Variants in GRIK4 observed in about 807,000 individuals in gnomAD.
The protein encoded by GRIK4 is glutamate receptor ionotropic, kainate 4.
A neutral mutation model predicts 104.9 loss-of-function variants in GRIK4; 40 were observed. That is an observed-to-expected ratio of 0.38 (90% CI 0.30 to 0.50). The LOEUF is 0.50. Ranked by LOEUF, GRIK4 falls within the 20% of genes least tolerant of loss-of-function variation. The pLI is 0.93. For missense variants in GRIK4, 1,047 were observed against 1,308.1 expected (o/e 0.80, Z 3.08); for synonymous variants, 485 against 524.9 (o/e 0.92, Z 1.04).
chr11:120,795,560 G>A (rs1216491341), intron 3 of GRIK4, among the ~76,000 whole-genome samples: 1 of 152,248 alleles, frequency 6.6e-6, no homozygotes, highest in Non-Finnish European at 1.5e-5. Context: ...CCTACTGTGT[G>A]TCCAGAATTG....
chr11:120,575,328 C>T (rs1001458315), intron 1 of GRIK4, among the ~76,000 whole-genome samples: 2 of 152,188 alleles, frequency 1.3e-5, no homozygotes, highest in Admixed American at 1.3e-4. Flanking sequence ...CTCCCCTTTC[C>T]CTGCCCAGCC....
intron 3 of GRIK4, among the ~76,000 whole-genome samples, chr11:120,699,383 T>C (rs1950511990): frequency 6.6e-6 from 1 of 152,226 alleles, no homozygotes; most frequent in Non-Finnish European, 1.5e-5. Flanking sequence ...AAGTCTTTAG[T>C]TCCATGGCCT....
At chr11:120,959,470 C>T (rs566312618) in intron 16 of GRIK4, among the ~76,000 whole-genome samples, 3 of 152,362 alleles carry the variant, frequency 2.0e-5, no homozygotes, top group South Asian at 2.1e-4. Flanking sequence ...ATGCATTCAT[C>T]GTCAGTGTCT....
chr11:120,574,122 C>T (rs955661317), intron 1 of GRIK4, among the ~76,000 whole-genome samples: 6 of 152,190 alleles, frequency 3.9e-5, no homozygotes, highest in Non-Finnish European at 5.9e-5. Flanking sequence ...TCCATGAGCT[C>T]CTTAATAGCA....
chr11:120,529,061 C>G (rs1947895620), intron 1 of GRIK4, among the ~76,000 whole-genome samples: 1 of 152,172 alleles, frequency 6.6e-6, no homozygotes, highest in Non-Finnish European at 1.5e-5. Flanking sequence ...TCTCTTGCTT[C>G]ACTACTCCTT....
chr11:120,802,933 C>G lies in GRIK4; in HGVS notation c.247+76C>G, dbSNP rs1952647894. 10 of 1,248,888 alleles carry G rather than the reference C, an allele frequency of 8.0e-6. No homozygotes were observed. In the South Asian group the frequency reaches 1.2e-4, roughly 15 times the overall value. 77.4% of individuals were successfully genotyped at this position (1,248,888 alleles called of 1,614,324 possible). ...GAGCAGTGGTGTGAGCTGCACCTAT[C>G]AGTCACCAGGCCTCTGAGATATCTG... On this transcript the variant is annotated intron_variant, in intron 4 of 20. Coordinates refer to ENST00000527524, the MANE Select transcript of GRIK4 (RefSeq NM_014619.5).
intron 1 of GRIK4, among the ~76,000 whole-genome samples, chr11:120,579,728 G>A (rs1948542712): frequency 6.6e-6 from 1 of 152,114 alleles, no homozygotes; most frequent in Non-Finnish European, 1.5e-5. Flanking sequence ...GGCGGGTCCC[G>A]ATCTGTACAG....
chr11:120,986,628 A>C lies in GRIK4; in HGVS notation c.*368A>C, dbSNP rs2134822364. ...GGAATCATCAGTTGAATTTCCCCCT[A>C]GTCAGGGGCCAATGTACCCTCCGTC... is the stretch of plus-strand genomic sequence containing the variant. On this transcript the variant is annotated 3_prime_UTR_variant, in exon 21 of 21. Coordinates refer to ENST00000527524, the MANE Select transcript of GRIK4 (RefSeq NM_014619.5). 1 of 193,236 alleles carries C rather than the reference A, an allele frequency of 5.2e-6. No individual in the cohort carries two copies. The highest frequency in any genetic ancestry group is 1.3e-4 in the East Asian group (1 of 7,734). 12.0% of individuals were successfully genotyped at this position (193,236 alleles called of 1,614,324 possible).
At chr11:120,689,706 C>T (rs1473588211) in intron 3 of GRIK4, among the ~76,000 whole-genome samples, 1 of 152,186 alleles carries the variant, frequency 6.6e-6, no homozygotes, top group African/African-American at 2.4e-5. Context: ...CTGATCCTCC[C>T]AGTCCAAATG....
chr11:120,793,985 G>C (rs1380761335), intron 3 of GRIK4, among the ~76,000 whole-genome samples: 2 of 151,696 alleles, frequency 1.3e-5, no homozygotes, highest in Admixed American at 1.3e-4. Flanking sequence ...TGAGAGCCGG[G>C]TGATGGTTAG....
At chr11:120,938,486 A>G (rs1329941321) in intron 13 of GRIK4, among the ~76,000 whole-genome samples, 1 of 152,200 alleles carries the variant, frequency 6.6e-6, no homozygotes, top group Non-Finnish European at 1.5e-5. Context: ...TATGGGGTGG[A>G]ACGTGAATTG....
At chr11:120,948,335 T>C (rs1352551426) in intron 14 of GRIK4, among the ~76,000 whole-genome samples, 2 of 152,130 alleles carry the variant, frequency 1.3e-5, no homozygotes, top group African/African-American at 2.4e-5. Flanking sequence ...TGGGAGGGGA[T>C]AGAGTTTCAG....
chr11:120,903,273 C>T lies in GRIK4; in HGVS notation c.1273-2017C>T, dbSNP rs996889581. 2.0e-5 allele frequency among the ~76,000 whole-genome samples: 3 copies of T among 152,162 alleles called. No individual in the cohort carries two copies. Among genetic ancestry groups the T allele is most frequent in the Admixed American group, 6.5e-5 (1 of 15,276 alleles). On this transcript the variant is annotated intron_variant, in intron 12 of 20. Transcript: ENST00000527524. The surrounding 1 kb of genome is among the most constrained non-coding windows in gnomAD (Gnocchi z 4.4). The stretch of plus-strand genomic sequence containing the variant: ...CTTGGTAATCCCTGAGCCCAGCTCT[C>T]CTCTGTCCCTGTCGCATCCCCTGAG...
intron 3 of GRIK4, among the ~76,000 whole-genome samples, chr11:120,716,986 T>C (rs1468909480): frequency 6.6e-6 from 1 of 152,224 alleles, no homozygotes; most frequent in Admixed American, 6.5e-5. Flanking sequence ...GCTTAGGGAC[T>C]AGGATCCAAA....
intron 6 of GRIK4, among the ~76,000 whole-genome samples, chr11:120,828,916 C>T (rs2004676): frequency 0.3 from 45,575 of 151,986 alleles, 7,894 homozygotes; most frequent in East Asian, 0.48. Context: ...CTGGGAGTTT[C>T]GTGCACCTGC....
At chr11:120,681,518 C>G (rs1286750563) in intron 3 of GRIK4, among the ~76,000 whole-genome samples, 3 of 152,174 alleles carry the variant, frequency 2.0e-5, no homozygotes, top group Non-Finnish European at 4.4e-5. Context: ...AGTATTTACT[C>G]TCCACCCTGG....
chr11:120,738,316 A>G (rs1284237493), intron 3 of GRIK4, among the ~76,000 whole-genome samples: 1 of 152,252 alleles, frequency 6.6e-6, no homozygotes, highest in Admixed American at 6.5e-5. Context: ...TGGTGGCAAT[A>G]GCCTAGCAGA....
chr11:120,920,588 C>T (rs763000005), intron 13 of GRIK4, among the ~76,000 whole-genome samples: 29 of 152,146 alleles, frequency 1.9e-4, no homozygotes, highest in Non-Finnish European at 2.5e-4. Flanking sequence ...AGGTTATATG[C>T]GCTGTTCCAA....
chr11:120,732,528 T>C (rs2135393859), intron 3 of GRIK4, among the ~76,000 whole-genome samples: 1 of 152,352 alleles, frequency 6.6e-6, no homozygotes, highest in African/African-American at 2.4e-5. Flanking sequence ...TCCCTCTTAG[T>C]ACTGTTTTCA....
Sources: gnomAD v4.1 joint callset for allele counts (sites outside exome capture counted in the v4.1 genomes callset) on GRCh38, gnomAD v4.1.1 for gene constraint, Gnocchi (gnomAD v3.1) non-coding constraint, MANE v1.5 for transcripts, NCBI Gene and HGNC (gene_info 2026-07-23, HGNC 2026-07-21) for gene names.